PON3: variants seen among roughly 807,000 people sequenced by gnomAD.
PON3 encodes paraoxonase 3, also known as serum paraoxonase/lactonase 3.
In PON3, 37 loss-of-function variants were observed where a neutral mutation model predicts 36.3. The observed-to-expected ratio is 1.02, with a 90% confidence interval of 0.78 to 1.34. PON3 has a LOEUF of 1.34. Among genes scored for constraint, PON3 ranks in the 40% most tolerant of loss-of-function variants. The pLI is 0.00. For missense variants in PON3, 415 were observed against 426.5 expected (o/e 0.97, Z 0.24); for synonymous variants, 155 against 154.8 (o/e 1.00, Z -0.01).
chr7:95,370,507 C>G (rs1483735543), intron 4 of PON3, among the ~76,000 whole-genome samples: 2 of 152,154 alleles, frequency 1.3e-5, no homozygotes, highest in African/African-American at 2.4e-5. Context: ...ATACTATAAA[C>G]CAATGAAAAA....
intron 3 of PON3, 81 bp downstream of exon 3, chr7:95,390,073 T>C: frequency 7.2e-7 from 1 of 1,391,238 alleles, no homozygotes; most frequent in Non-Finnish European, 1.0e-6. Flanking sequence ...GGGATCCATC[T>C]GGCAGCTCCA....
chr7:95,395,523 C>A (rs552647140), intron 1 of PON3, among the ~76,000 whole-genome samples: 35 of 152,296 alleles, frequency 2.3e-4, no homozygotes, highest in African/African-American at 8.2e-4. Flanking sequence ...AGGCACCAGG[C>A]ACCTCAACAG....
intron 3 of PON3, among the ~76,000 whole-genome samples, chr7:95,376,908 G>A (rs1808928057): frequency 1.3e-5 from 2 of 152,350 alleles, no homozygotes; most frequent in South Asian, 4.1e-4. Flanking sequence ...GACAGTGGGT[G>A]CAGCCCATGG....
At chr7:95,396,253 A>G (rs1224744476) in intron 1 of PON3, 24 bp downstream of exon 1, 9 of 1,612,470 alleles carry the variant, frequency 5.6e-6, no homozygotes, top group Non-Finnish European at 7.6e-6. Flanking sequence ...AGAGTCGAAG[A>G]CGCCCTGTCA....
chr7:95,396,299 C>A lies in PON3; in HGVS notation c.52G>T (p.Gly18Trp). 6.2e-7 allele frequency: 1 copy of A among 1,613,986 alleles called. No individual in the cohort carries two copies. Among genetic ancestry groups the A allele is most frequent in the Middle Eastern group, 1.6e-4 (1 of 6,062 alleles). ...VLLGVGLSLVGEMFLAFRERV... is the reference protein window; with the variant it reads ...VLLGVGLSLVWEMFLAFRERV... ...CACCTAAACGCCAGGAACATCTCCC[C>A]GACTAAGGACAGGCCGACCCCCAGC... Residue 18 changes from glycine to tryptophan, a missense_variant, in exon 1 of 9, where the codon GGG (glycine) becomes TGG (tryptophan). Coordinates refer to ENST00000265627, the MANE Select transcript of PON3 (RefSeq NM_000940.3).
At position 95,383,468 on chromosome 7, in the gene PON3, C is replaced by G. The variant is rs990230385; in HGVS notation, c.201+6686G>C. 1.2e-4 allele frequency among the ~76,000 whole-genome samples: 19 copies of G among 152,300 alleles called. No individual in the cohort carries two copies. In the East Asian group the frequency reaches 3.5e-3, roughly 28 times the overall value. Reference sequence around the variant, plus strand: ...TCTAGAAAACCCCATTGTCTCAGCCCAAAATCTCCTTAAACTCATAAGCAA... The same window carrying G: ...TCTAGAAAACCCCATTGTCTCAGCCGAAAATCTCCTTAAACTCATAAGCAA... On this transcript the variant is annotated intron_variant, in intron 3 of 8. Coordinates refer to ENST00000265627, the MANE Select transcript of PON3 (RefSeq NM_000940.3).
At chr7:95,364,732 G>T (rs74903398) in intron 5 of PON3, 4,491 of 156,006 alleles carry the variant, frequency 0.029, 215 homozygotes, top group African/African-American at 0.1. Context: ...GGGTTTTGCT[G>T]TCCTGTTATC....
intron 3 of PON3, among the ~76,000 whole-genome samples, chr7:95,374,704 C>G (rs1808877589): frequency 6.6e-6 from 1 of 152,064 alleles, no homozygotes; most frequent in Non-Finnish European, 1.5e-5. Flanking sequence ...TAAATGGTCT[C>G]CAAATTACTT....
intron 8 of PON3, 120 bp downstream of exon 8, chr7:95,362,242 T>C (rs1469847272): frequency 1.5e-6 from 2 of 1,325,008 alleles, no homozygotes; most frequent in Non-Finnish European, 2.1e-6. Flanking sequence ...ACTTTTCTCA[T>C]ACGTAAAATT....
intron 4 of PON3, among the ~76,000 whole-genome samples, chr7:95,368,728 C>A (rs1808748572): frequency 6.7e-6 from 1 of 149,248 alleles, no homozygotes; most frequent in African/African-American, 2.5e-5. Context: ...AGCTGTGAAT[C>A]ATAATATACT....
At chr7:95,392,412 G>A (rs1809337854) in intron 2 of PON3, among the ~76,000 whole-genome samples, 1 of 152,176 alleles carries the variant, frequency 6.6e-6, no homozygotes, top group Non-Finnish European at 1.5e-5. Context: ...ATTCGAGTCA[G>A]ACTAGACCCT....
intron 3 of PON3, among the ~76,000 whole-genome samples, chr7:95,384,741 CT>C (rs1322391410): frequency 6.6e-6 from 1 of 152,190 alleles, no homozygotes; most frequent in Admixed American, 6.5e-5. Flanking sequence ...CACTTTTACA[CT>C]GCTGGTGGGA....
intron 3 of PON3, among the ~76,000 whole-genome samples, chr7:95,377,194 G>A (rs1353726339): frequency 1.3e-5 from 2 of 152,202 alleles, no homozygotes; most frequent in Non-Finnish European, 2.9e-5. Flanking sequence ...TTGGCAGGGG[G>A]AGGGGCATCC....
At chr7:95,387,351 G>C (rs965162407) in intron 3 of PON3, among the ~76,000 whole-genome samples, 3 of 151,886 alleles carry the variant, frequency 2.0e-5, no homozygotes, top group East Asian at 1.9e-4. Flanking sequence ...AACAGACAGA[G>C]AGCCAATCAT....
chr7:95,361,788 C>T lies in PON3; in HGVS notation c.906+574G>A, dbSNP rs536431868. On this transcript the variant is annotated intron_variant, in intron 8 of 8. Coordinates refer to ENST00000265627, the MANE Select transcript of PON3 (RefSeq NM_000940.3). ...GATTTTTAAATTGTTAACCTTAATG[C>T]CATAGAAAATGCAGTTGTCTTATAA... is the stretch of plus-strand genomic sequence containing the variant. Among the ~76,000 whole-genome samples the T allele has an allele frequency of 2.0e-5, 3 of 152,122 alleles. No individual in the cohort carries two copies. In the South Asian group the frequency reaches 6.2e-4, roughly 32 times the overall value.
At chr7:95,377,238 C>T (rs1808939807) in intron 3 of PON3, among the ~76,000 whole-genome samples, 1 of 152,204 alleles carries the variant, frequency 6.6e-6, no homozygotes, top group African/African-American at 2.4e-5. Flanking sequence ...CGGTTTTGTG[C>T]TCACAGTGTA....
At chr7:95,395,454 TG>T (rs1809408025) in intron 1 of PON3, among the ~76,000 whole-genome samples, 1 of 152,198 alleles carries the variant, frequency 6.6e-6, no homozygotes, top group Non-Finnish European at 1.5e-5. Flanking sequence ...TGATTCTCCA[TG>T]TGGTTGCACT....
rs781296100 is a variant in PON3 at position 95,367,399 on chromosome 7, C to A, written c.457G>T (p.Val153Leu). Residue 153 changes from valine to leucine, a missense_variant, in exon 5 of 9, where the codon GTA (valine) becomes TTA (leucine). Coordinates refer to ENST00000265627, the MANE Select transcript of PON3 (RefSeq NM_000940.3). ...FKFEEQQRSL[V>L]YLKTIKHELL... ...TCATGTTTTATAGTTTTCAGGTATA[C>A]CAGAGAACGTTGTTGTTCCTCAAAT... The A allele has an allele frequency of 3.1e-6, 5 of 1,613,044 alleles. No homozygotes were observed. The highest frequency in any genetic ancestry group is 3.4e-6 in the Non-Finnish European group (4 of 1,179,554).
At chr7:95,372,825 C>G (rs1808839047) in intron 3 of PON3, among the ~76,000 whole-genome samples, 1 of 152,128 alleles carries the variant, frequency 6.6e-6, no homozygotes, top group Admixed American at 6.5e-5. Flanking sequence ...TAGTGGCAAA[C>G]AGTATAGCTG....
Sources: allele counts gnomAD v4.1 joint callset (sites outside exome capture counted in the v4.1 genomes callset), GRCh38; gene constraint gnomAD v4.1.1; transcripts MANE v1.5; gene names NCBI Gene and HGNC (gene_info 2026-07-23, HGNC 2026-07-21).